TMLHE: variants seen among roughly 807,000 people sequenced by gnomAD.
TMLHE encodes trimethyllysine hydroxylase, epsilon.
In TMLHE, 18 loss-of-function variants were observed where a neutral mutation model predicts 25.7. The observed-to-expected ratio is 0.70, with a 90% confidence interval of 0.48 to 1.04. The LOEUF is 1.04. Ranked by LOEUF, TMLHE falls within the 50% of genes least tolerant of loss-of-function variation. The probability of loss-of-function intolerance (pLI) is 0.00; values close to 1 mark genes in which losing one functional copy is unlikely to be tolerated. For missense variants in TMLHE, 236 were observed against 259.0 expected (o/e 0.91, Z 0.61); for synonymous variants, 105 against 97.0 (o/e 1.08, Z -0.49).
chrX:155,584,426 A>T (rs2067651604), intron 1 of TMLHE, among the ~76,000 whole-genome samples: 1 of 111,577 alleles, frequency 9.0e-6, no homozygotes, highest in Admixed American at 9.6e-5. Context: ...AGAGAGAACA[A>T]AATGATGGAA....
At chrX:155,542,864 CTT>C (rs1569562023) in intron 2 of TMLHE, among the ~76,000 whole-genome samples, 1 of 110,779 alleles carries the variant, frequency 9.0e-6, no homozygotes, top group East Asian at 2.8e-4. Context: ...AAGAATATCT[CTT>C]TGTCTTTGGT....
At chrX:155,582,684 G>A (rs2067638112) in intron 1 of TMLHE, among the ~76,000 whole-genome samples, 1 of 112,087 alleles carries the variant, frequency 8.9e-6, no homozygotes, top group Admixed American at 9.5e-5. Context: ...AGGTGCTGGA[G>A]AGGATGCAGA....
chrX:155,549,971 G>A lies in TMLHE; in HGVS notation c.-1-4694C>T, dbSNP rs1221090129. Reference sequence around the variant, plus strand: ...CTCCCACTTATGAGTGAGAACACGTGGTGTTTGGTTTTCTCTTCCTGTGTT... The same window carrying A: ...CTCCCACTTATGAGTGAGAACACGTAGTGTTTGGTTTTCTCTTCCTGTGTT... On this transcript the variant is annotated intron_variant, in intron 1 of 7. Coordinates refer to ENST00000334398, the MANE Select transcript of TMLHE (RefSeq NM_018196.4). 3.6e-5 allele frequency among the ~76,000 whole-genome samples: 4 copies of A among 109,705 alleles called. 1 individual carries two copies. The highest frequency in any genetic ancestry group is 1.4e-4 in the African/African-American group (4 of 29,594).
intron 2 of TMLHE, among the ~76,000 whole-genome samples, chrX:155,542,316 A>AT (rs1186769419): frequency 8.9e-6 from 1 of 111,988 alleles, no homozygotes; most frequent in Non-Finnish European, 1.9e-5. Context: ...TTAGTGAAAC[A>AT]CTTCTACAGT....
intron 2 of TMLHE, among the ~76,000 whole-genome samples, chrX:155,535,496 TAATTAGCTCTCA>T (rs781914894): frequency 1.2e-4 from 13 of 111,827 alleles, no homozygotes; most frequent in Non-Finnish European, 1.5e-4. Flanking sequence ...CCTAATAATC[TAATTAGCTCTCA>T]AAGGTTCCAT....
chrX:155,589,543 T>A (rs1395047485), intron 1 of TMLHE, among the ~76,000 whole-genome samples: 2 of 112,026 alleles, frequency 1.8e-5, no homozygotes, highest in Non-Finnish European at 3.8e-5. Context: ...GAAAGACAGA[T>A]ACTGCATGTT....
chrX:155,506,316 T>C (rs2067075648), intron 6 of TMLHE, among the ~76,000 whole-genome samples: 1 of 110,856 alleles, frequency 9.0e-6, no homozygotes, highest in Admixed American at 9.7e-5. Context: ...GGAGATTGAG[T>C]TGATAAGACT....
At chrX:155,567,823 A>G (rs2067516672) in intron 1 of TMLHE, among the ~76,000 whole-genome samples, 1 of 61,612 alleles carries the variant, frequency 1.6e-5, no homozygotes, top group African/African-American at 3.6e-5. Flanking sequence ...GAAGATCACA[A>G]TAAAACCCAT....
chrX:155,612,332 T>G (rs1244804688), intron 1 of TMLHE: 2 of 111,628 alleles, frequency 1.8e-5, no homozygotes, highest in Admixed American at 1.9e-4. Flanking sequence ...TGCTGCAAGA[T>G]CTTGCAGACA....
intron 1 of TMLHE, among the ~76,000 whole-genome samples, chrX:155,582,733 G>A (rs1355621608): frequency 8.9e-6 from 1 of 112,050 alleles, no homozygotes; most frequent in Non-Finnish European, 1.9e-5. Flanking sequence ...GGGACTGTAA[G>A]CTAGTTCAAC....
At chrX:155,523,308 C>T (rs782770492) in intron 3 of TMLHE, among the ~76,000 whole-genome samples, 3 of 110,867 alleles carry the variant, frequency 2.7e-5, no homozygotes, top group Admixed American at 9.6e-5. Flanking sequence ...TTATGTTTTA[C>T]GTTTAAGTCC....
intron 2 of TMLHE, among the ~76,000 whole-genome samples, chrX:155,542,275 G>A (rs2067317716): frequency 9.0e-6 from 1 of 111,541 alleles, no homozygotes; most frequent in Non-Finnish European, 1.9e-5. Context: ...CATCAAAAAG[G>A]ATGAAATACT....
At chrX:155,549,832 C>T (rs1314047080) in intron 1 of TMLHE, among the ~76,000 whole-genome samples, 1 of 109,777 alleles carries the variant, frequency 9.1e-6, no homozygotes, top group African/African-American at 3.4e-5. Context: ...CCCATAAACC[C>T]GTCACCTACA....
At chrX:155,557,631 G>A (rs1273499514) in intron 1 of TMLHE, among the ~76,000 whole-genome samples, 3 of 110,998 alleles carry the variant, frequency 2.7e-5, no homozygotes, top group African/African-American at 9.8e-5. Flanking sequence ...CACTGTTAAA[G>A]GTGCTGAAAA....
chrX:155,607,634 CAAT>C (rs1352038098), intron 1 of TMLHE, among the ~76,000 whole-genome samples: 3 of 111,400 alleles, frequency 2.7e-5, no homozygotes, highest in African/African-American at 9.8e-5. Context: ...TGTTTGCAGA[CAAT>C]ATTATTTTAT....
intron 1 of TMLHE, among the ~76,000 whole-genome samples, chrX:155,560,231 C>T (rs782664196): frequency 5.4e-5 from 6 of 111,076 alleles, no homozygotes; most frequent in Admixed American, 1.9e-4. Context: ...TCTTCCTGCT[C>T]GTTCCTTAGG....
chrX:155,529,708 G>A (rs1373777705), intron 2 of TMLHE, among the ~76,000 whole-genome samples: 1 of 111,900 alleles, frequency 8.9e-6, no homozygotes, highest in Non-Finnish European at 1.9e-5. Flanking sequence ...ATGTTTTGTT[G>A]CTATTGAGTT....
At chrX:155,587,435 T>C (rs2067671884) in intron 1 of TMLHE, among the ~76,000 whole-genome samples, 1 of 111,523 alleles carries the variant, frequency 9.0e-6, no homozygotes, top group African/African-American at 3.3e-5. Context: ...GCTAAAAGCC[T>C]TACCTCTAAG....
chrX:155,571,993 A>G lies in TMLHE; in HGVS notation c.-1-26716T>C, dbSNP rs1211456608. Among the ~76,000 whole-genome samples, 6 of 54,298 alleles carry G rather than the reference A, an allele frequency of 1.1e-4. 2 individuals are homozygous for G. Among genetic ancestry groups the G allele is most frequent in the African/African-American group, 2.2e-4 (5 of 22,279 alleles). The allele number at this position is 54,298 out of a possible 115,157, so 47.2% of individuals were successfully genotyped here. On this transcript the variant is annotated intron_variant, in intron 1 of 7. Coordinates refer to ENST00000334398, the MANE Select transcript of TMLHE (RefSeq NM_018196.4). ...TTGTAAGTTCTGGCCAGGGCAATTA[A>G]GCAGGAGAAGGAAATAAAGGCTATT... is the stretch of plus-strand genomic sequence containing the variant.
Sources: gnomAD v4.1 joint callset for allele counts (sites outside exome capture counted in the v4.1 genomes callset) on GRCh38, gnomAD v4.1.1 for gene constraint, MANE v1.5 for transcripts, NCBI Gene and HGNC (gene_info 2026-07-23, HGNC 2026-07-21) for gene names.